TRIM44: variants seen among roughly 807,000 people sequenced by gnomAD.
The protein encoded by TRIM44 is tripartite motif-containing protein 44.
TRIM44 carries 13 observed loss-of-function variants against 37.4 expected under a neutral mutation model. That is an observed-to-expected ratio of 0.35 (90% CI 0.23 to 0.55). The LOEUF (loss-of-function observed/expected upper bound fraction) is 0.55. Among genes scored for constraint, TRIM44 ranks in the 20% least tolerant of loss-of-function variants. The pLI is 0.89. For synonymous variants in TRIM44, 175 were observed against 157.2 expected (o/e 1.11, Z -0.85); for missense variants, 426 against 437.2 (o/e 0.97, Z 0.23).
At chr11:35,761,709 A>C (rs1339008243) in intron 4 of TRIM44, among the ~76,000 whole-genome samples, 1 of 152,230 alleles carries the variant, frequency 6.6e-6, no homozygotes, top group East Asian at 1.9e-4. Flanking sequence ...ATGGTAGACT[A>C]GTATTTGAAC....
chr11:35,704,553 A>G lies in TRIM44; in HGVS notation c.747+19217A>G, dbSNP rs531921506. On this transcript the variant is annotated intron_variant, in intron 2 of 4. Transcript: ENST00000299413. ...ACAAAGGGAAGCCCATCAGACTAAC[A>G]GCGGATCTCTCGGCAGAAACTCTAC... is the stretch of plus-strand genomic sequence containing the variant. 6.6e-5 allele frequency among the ~76,000 whole-genome samples: 10 copies of G among 152,364 alleles called. No homozygotes were observed. The South Asian group carries it at 2.1e-3, about 32-fold the overall frequency.
rs139248669 is a variant in TRIM44 at position 35,666,094 on chromosome 11, G to A, written c.669+2314G>A. Reference sequence around the variant, plus strand: ...ATTTTTGTGTAGTAGAAGTAGGGGCGCAATTTCATTTTTTCTCCATACAGA... The same window carrying A: ...ATTTTTGTGTAGTAGAAGTAGGGGCACAATTTCATTTTTTCTCCATACAGA... On this transcript the variant is annotated intron_variant, in intron 1 of 4. Transcript: ENST00000299413. Among the ~76,000 whole-genome samples the A allele has an allele frequency of 1.9e-3, 286 of 152,184 alleles. 2 individuals are homozygous for A. The highest frequency in any genetic ancestry group is 6.6e-3 in the African/African-American group (274 of 41,526).
intron 4 of TRIM44, among the ~76,000 whole-genome samples, chr11:35,748,951 A>G (rs901147690): frequency 2.0e-5 from 3 of 152,212 alleles, no homozygotes; most frequent in African/African-American, 7.2e-5. Context: ...GTTAGAACCA[A>G]ACTTCCATGA....
chr11:35,696,455 T>C (rs1051398386), intron 2 of TRIM44, among the ~76,000 whole-genome samples: 1 of 151,964 alleles, frequency 6.6e-6, no homozygotes, highest in East Asian at 1.9e-4. Flanking sequence ...AAAAATTTTT[T>C]AAAAGCTAAA....
At chr11:35,710,874 C>T (rs1851961839) in intron 2 of TRIM44, among the ~76,000 whole-genome samples, 1 of 152,178 alleles carries the variant, frequency 6.6e-6, no homozygotes, top group African/African-American at 2.4e-5. Flanking sequence ...ATATTCTGGC[C>T]TCCTACAGTC....
chr11:35,717,258 C>T (rs966267029), intron 2 of TRIM44, among the ~76,000 whole-genome samples: 8 of 152,086 alleles, frequency 5.3e-5, no homozygotes, highest in Non-Finnish European at 8.8e-5. Context: ...CCCCAGAGGG[C>T]GGTGTTTAAA....
At chr11:35,787,557 G>T (rs1047597831) in intron 4 of TRIM44, among the ~76,000 whole-genome samples, 4 of 152,072 alleles carry the variant, frequency 2.6e-5, no homozygotes, top group Non-Finnish European at 5.9e-5. Context: ...TTGAGGTATT[G>T]CAAATGGAAG....
At chr11:35,748,283 G>T (rs1177803158) in intron 4 of TRIM44, among the ~76,000 whole-genome samples, 1 of 152,126 alleles carries the variant, frequency 6.6e-6, no homozygotes, top group African/African-American at 2.4e-5. Context: ...ACTTCTTTGG[G>T]TCGAATAGGG....
chr11:35,802,453 G>A (rs1565039463), intron 4 of TRIM44, among the ~76,000 whole-genome samples: 1 of 152,180 alleles, frequency 6.6e-6, no homozygotes, highest in Non-Finnish European at 1.5e-5. Flanking sequence ...AGTGGGAGTG[G>A]CTGAAACAAG....
chr11:35,806,044 T>C (rs922093019), intron 4 of TRIM44, among the ~76,000 whole-genome samples: 1 of 152,216 alleles, frequency 6.6e-6, no homozygotes, highest in Non-Finnish European at 1.5e-5. Context: ...AAAAGAATTA[T>C]GACTCTCACC....
chr11:35,757,405 T>C, intron 4 of TRIM44, among the ~76,000 whole-genome samples: 1 of 152,230 alleles, frequency 6.6e-6, no homozygotes, highest in East Asian at 1.9e-4. Context: ...TCTTCATTAG[T>C]CTTGCTAGCA....
chr11:35,762,786 A>G (rs1852746184), intron 4 of TRIM44, among the ~76,000 whole-genome samples: 1 of 152,208 alleles, frequency 6.6e-6, no homozygotes, highest in Admixed American at 6.5e-5. Flanking sequence ...CCTGCTAGCT[A>G]TATAACTTTA....
intron 2 of TRIM44, among the ~76,000 whole-genome samples, chr11:35,714,158 CTCT>C (rs1852010167): frequency 6.6e-6 from 1 of 152,072 alleles, no homozygotes. Flanking sequence ...TTATTGGGGA[CTCT>C]TCTTCTGTGA....
intron 1 of TRIM44, among the ~76,000 whole-genome samples, chr11:35,669,421 G>A (rs1590488639): frequency 6.6e-6 from 1 of 152,034 alleles, no homozygotes; most frequent in South Asian, 2.1e-4. Flanking sequence ...GGGTGAAAAG[G>A]TGAGAGGGTC....
intron 4 of TRIM44, among the ~76,000 whole-genome samples, chr11:35,742,463 A>AGT (rs1272617950): frequency 7.4e-6 from 1 of 135,572 alleles, no homozygotes; most frequent in African/African-American, 2.8e-5. Context: ...TATTAATTAC[A>AGT]ATTAATATAA....
intron 4 of TRIM44, among the ~76,000 whole-genome samples, chr11:35,743,369 C>G (rs1852439759): frequency 6.6e-6 from 1 of 152,192 alleles, no homozygotes; most frequent in Non-Finnish European, 1.5e-5. Flanking sequence ...AATGGACAGA[C>G]TTCTGAATCT....
chr11:35,672,800 T>C (rs1851413004), intron 1 of TRIM44, among the ~76,000 whole-genome samples: 1 of 152,236 alleles, frequency 6.6e-6, no homozygotes, highest in Non-Finnish European at 1.5e-5. Context: ...TATCTATTTA[T>C]ATTTTTTACT....
At chr11:35,666,853 G>GA (rs1173615454) in intron 1 of TRIM44, among the ~76,000 whole-genome samples, 1 of 152,144 alleles carries the variant, frequency 6.6e-6, no homozygotes, top group African/African-American at 2.4e-5. Flanking sequence ...TCTATCTGCT[G>GA]AATTATCTTA....
intron 4 of TRIM44, among the ~76,000 whole-genome samples, chr11:35,757,475 G>T (rs1190142458): frequency 1.3e-5 from 2 of 152,052 alleles, no homozygotes; most frequent in Admixed American, 1.3e-4. Context: ...GATTTTTGAA[G>T]GGTTTTTTAT....
Sources: allele counts gnomAD v4.1 joint callset (sites outside exome capture counted in the v4.1 genomes callset), GRCh38; gene constraint gnomAD v4.1.1; transcripts MANE v1.5; gene names NCBI Gene and HGNC (gene_info 2026-07-23, HGNC 2026-07-21).